The following GPC6 variants were observed in gnomAD, a reference collection of about 807,000 sequenced individuals.
GPC6 encodes glypican 6, also known as glypican-6.
Under a neutral mutation model 55.2 loss-of-function variants are expected in GPC6, and 14 were observed. The ratio of observed to expected loss-of-function variants is 0.25; its 90% CI spans 0.17 to 0.40. GPC6 has a LOEUF of 0.40. Ranked by LOEUF, GPC6 falls within the 10% of genes least tolerant of loss-of-function variation. The pLI, the probability that GPC6 is intolerant of heterozygous loss-of-function variation, is 1.00. For missense variants in GPC6, 641 were observed against 708.5 expected, an observed-to-expected ratio of 0.90 and a Z score of 1.08; for synonymous variants, 278 against 259.6, an observed-to-expected ratio of 1.07 and a Z score of -0.68.
At chr13:93,343,069 A>C (rs148461277) in intron 1 of GPC6, among the ~76,000 whole-genome samples, 2 of 152,194 alleles carry the variant, frequency 1.3e-5, no homozygotes, top group African/African-American at 4.8e-5. Context: ...CACTAAATAT[A>C]TAAATAAATA....
chr13:93,266,884 T>C (rs571221877), intron 1 of GPC6, among the ~76,000 whole-genome samples: 1 of 152,328 alleles, frequency 6.6e-6, no homozygotes, highest in South Asian at 2.1e-4. Flanking sequence ...TATTCTGTAT[T>C]CTGTCGTGTA....
At chr13:93,656,189 A>G (rs1880656363) in intron 2 of GPC6, among the ~76,000 whole-genome samples, 1 of 152,164 alleles carries the variant, frequency 6.6e-6, no homozygotes, top group South Asian at 2.1e-4. Context: ...TAATTTTGAA[A>G]TAATTGTGAA....
At position 93,287,232 on chromosome 13, in the gene GPC6, C is replaced by T. The variant is rs1009706490; in HGVS notation, c.160+59616C>T. ...TTCAATCTGCATAAGATAAAAGAGC[C>T]TACTGAGAAATTTAATTATAGCTTC... On this transcript the variant is annotated intron_variant, in intron 1 of 8. Transcript: ENST00000377047. Among the ~76,000 whole-genome samples, 4 of 152,022 alleles carry T rather than the reference C, an allele frequency of 2.6e-5. No homozygotes were observed. The South Asian group carries it at 8.3e-4, about 32-fold the overall frequency.
chr13:93,805,987 T>TATGC (rs1328511692), intron 2 of GPC6, among the ~76,000 whole-genome samples: 2 of 152,246 alleles, frequency 1.3e-5, no homozygotes, highest in African/African-American at 4.8e-5. Context: ...TTCACCACGC[T>TATGC]ATGCCTTAGG....
intron 5 of GPC6, among the ~76,000 whole-genome samples, chr13:94,289,554 A>T (rs1031261436): frequency 5.3e-5 from 8 of 152,206 alleles, no homozygotes; most frequent in African/African-American, 1.9e-4. Flanking sequence ...AGTCAGGGTA[A>T]CTAATGTCAC....
intron 4 of GPC6, among the ~76,000 whole-genome samples, chr13:94,143,779 G>T (rs1034323778): frequency 6.6e-6 from 1 of 152,114 alleles, no homozygotes; most frequent in Non-Finnish European, 1.5e-5. Context: ...TACCTGGGAG[G>T]CTAAGATGGG....
Position 93,432,531 on chromosome 13 carries a change from G to A in GPC6, c.161-112732G>A, listed in dbSNP as rs555261722. 4.6e-5 allele frequency among the ~76,000 whole-genome samples: 7 copies of A among 152,266 alleles called. No individual in the cohort carries two copies. In the East Asian group the frequency reaches 1.4e-3, roughly 29 times the overall value. ...ATAAAAACAAAATACCTTCAAAGTT[G>A]CAGTCTTTCTGAAACATTTTAATAT... On this transcript the variant is annotated intron_variant, in intron 1 of 8. Coordinates refer to ENST00000377047, the MANE Select transcript of GPC6 (RefSeq NM_005708.5).
chr13:93,782,885 G>A (rs779073188), intron 2 of GPC6, among the ~76,000 whole-genome samples: 7 of 152,002 alleles, frequency 4.6e-5, no homozygotes, highest in Admixed American at 1.3e-4. Context: ...AGAATGTGCA[G>A]GTTTGTTACA....
At chr13:94,243,514 TC>T (rs538891869) in intron 4 of GPC6, among the ~76,000 whole-genome samples, 3 of 152,112 alleles carry the variant, frequency 2.0e-5, no homozygotes, top group Non-Finnish European at 4.4e-5. Context: ...GTCTTCATTT[TC>T]CCTGTCACTC....
chr13:93,452,980 T>C (rs1285334028), intron 1 of GPC6, among the ~76,000 whole-genome samples: 1 of 152,250 alleles, frequency 6.6e-6, no homozygotes, highest in Non-Finnish European at 1.5e-5. Context: ...TTTGCACATA[T>C]GAATTAGCTT....
At chr13:93,689,514 A>G (rs1038969866) in intron 2 of GPC6, among the ~76,000 whole-genome samples, 2 of 152,120 alleles carry the variant, frequency 1.3e-5, no homozygotes, top group Admixed American at 1.3e-4. Context: ...TGAGAAATGT[A>G]TGGCATTTTA....
chr13:94,078,275 G>A (rs1884989066), intron 4 of GPC6, among the ~76,000 whole-genome samples: 1 of 151,916 alleles, frequency 6.6e-6, no homozygotes, highest in Admixed American at 6.6e-5. Flanking sequence ...AGTACTGAAA[G>A]AGAAGTTTAT....
rs1026726722 is a variant in GPC6 at position 93,731,553 on chromosome 13, T to C, written c.320-98601T>C. 3.3e-5 allele frequency among the ~76,000 whole-genome samples: 5 copies of C among 152,220 alleles called. No individual in the cohort carries two copies. The South Asian group carries it at 8.3e-4, about 25-fold the overall frequency. The stretch of plus-strand genomic sequence containing the variant: ...CAAACCAAGCGTCTATTCTAAGGAA[T>C]ATTAATTATATCAAATGTATTGTAT... On this transcript the variant is annotated intron_variant, in intron 2 of 8. Coordinates refer to ENST00000377047, the MANE Select transcript of GPC6 (RefSeq NM_005708.5).
intron 4 of GPC6, among the ~76,000 whole-genome samples, chr13:94,246,619 C>A (rs1282753131): frequency 6.6e-6 from 1 of 152,054 alleles, no homozygotes; most frequent in Non-Finnish European, 1.5e-5. Flanking sequence ...GGAGACTCTA[C>A]TTTCTCCATT....
At chr13:93,382,649 G>A (rs541365174) in intron 1 of GPC6, among the ~76,000 whole-genome samples, 1 of 152,224 alleles carries the variant, frequency 6.6e-6, no homozygotes, top group South Asian at 2.1e-4. Flanking sequence ...ATCTTATAAA[G>A]ACATAAAAGG....
chr13:93,738,292 A>G (rs939817655), intron 2 of GPC6, among the ~76,000 whole-genome samples: 1 of 152,030 alleles, frequency 6.6e-6, no homozygotes, highest in Non-Finnish European at 1.5e-5. Context: ...AATATTCTTG[A>G]CTTTTGGCCT....
chr13:93,499,288 T>C (rs900317680), intron 1 of GPC6, among the ~76,000 whole-genome samples: 3 of 152,210 alleles, frequency 2.0e-5, no homozygotes. Context: ...TGCTTAGTTG[T>C]CAGAGATCCA....
intron 5 of GPC6, among the ~76,000 whole-genome samples, chr13:94,293,769 C>T (rs1434821757): frequency 1.3e-5 from 2 of 152,112 alleles, no homozygotes; most frequent in South Asian, 2.1e-4. Context: ...AGTGGTGTAA[C>T]GGGGATTGCA....
chr13:93,911,887 A>G (rs1366921547), intron 3 of GPC6, among the ~76,000 whole-genome samples: 4 of 152,362 alleles, frequency 2.6e-5, no homozygotes, highest in Non-Finnish European at 5.9e-5. Flanking sequence ...GGGTCAAATG[A>G]GAACAGTATG....
Sources: allele counts gnomAD v4.1 joint callset (sites outside exome capture counted in the v4.1 genomes callset), GRCh38; gene constraint gnomAD v4.1.1; transcripts MANE v1.5; gene names NCBI Gene and HGNC (gene_info 2026-07-23, HGNC 2026-07-21).